The following MYO5A variants were observed in gnomAD, a reference collection of about 807,000 sequenced individuals.
MYO5A encodes myosin VA.
A neutral mutation model predicts 249.7 loss-of-function variants in MYO5A; 98 were observed. That is an observed-to-expected ratio of 0.39 (90% CI 0.33 to 0.46). MYO5A has a LOEUF of 0.46. Among genes scored for constraint, MYO5A ranks in the 20% least tolerant of loss-of-function variants. The pLI is 0.98. For missense variants in MYO5A, 1,696 were observed against 2,308.8 expected (o/e 0.73, Z 5.44); for synonymous variants, 778 against 810.6 (o/e 0.96, Z 0.68).
intron 3 of MYO5A, 40 bp downstream of exon 3, chr15:52,428,358 A>G (rs1357205166): frequency 6.3e-7 from 1 of 1,582,150 alleles, no homozygotes; most frequent in Admixed American, 1.7e-5. Context: ...CCATTAGAGG[A>G]AAGAGTCCAC....
At chr15:52,512,480 G>C (rs1377750136) in intron 1 of MYO5A, among the ~76,000 whole-genome samples, 6 of 151,694 alleles carry the variant, frequency 4.0e-5, no homozygotes, top group Admixed American at 2.6e-4. Context: ...ATACTTCTTA[G>C]AGAAAATAGT....
At chr15:52,415,675 G>A (rs960185671) in intron 5 of MYO5A, among the ~76,000 whole-genome samples, 9 of 152,190 alleles carry the variant, frequency 5.9e-5, no homozygotes, top group Admixed American at 1.3e-4. Flanking sequence ...AACTGAGGTC[G>A]GACTAAGTAC....
At chr15:52,398,778 T>C (rs59496859) in intron 9 of MYO5A, among the ~76,000 whole-genome samples, 24,121 of 152,056 alleles carry the variant, frequency 0.16, 1,972 homozygotes, top group Middle Eastern at 0.22. Context: ...CACCTGAGGT[T>C]AGGAGTTTGA....
intron 10 of MYO5A, among the ~76,000 whole-genome samples, chr15:52,396,670 G>A (rs1374613601): frequency 6.6e-6 from 1 of 151,934 alleles, no homozygotes; most frequent in Admixed American, 6.6e-5. Flanking sequence ...GAGTTTTTGA[G>A]GGCTCATTCA....
intron 1 of MYO5A, among the ~76,000 whole-genome samples, chr15:52,459,174 T>TTTTTTTTTTA (rs869125569): frequency 7.6e-6 from 1 of 131,172 alleles, no homozygotes; most frequent in African/African-American, 3.0e-5. Flanking sequence ...TTTTTTTTTT[T>TTTTTTTTTTA]AGTATTTATT....
At chr15:52,515,779 G>A (rs1270189645) in intron 1 of MYO5A, among the ~76,000 whole-genome samples, 1 of 152,172 alleles carries the variant, frequency 6.6e-6, no homozygotes, top group Non-Finnish European at 1.5e-5. Context: ...AGGTTTGGAA[G>A]TCATCAGCAC....
intron 1 of MYO5A, among the ~76,000 whole-genome samples, chr15:52,476,716 T>C (rs544264524): frequency 1.4e-3 from 219 of 152,344 alleles, no homozygotes; most frequent in African/African-American, 5.0e-3. Flanking sequence ...TGTTGAATAT[T>C]GGTCCCCACT....
intron 23 of MYO5A, among the ~76,000 whole-genome samples, chr15:52,366,629 CAAAAAAAAA>C (rs60631867): frequency 1.3e-5 from 1 of 74,554 alleles, no homozygotes; most frequent in African/African-American, 4.1e-5. Flanking sequence ...ATTGATTTAG[CAAAAAAAAA>C]AAAAAAAAAA....
At chr15:52,494,636 GC>G (rs911558205) in intron 1 of MYO5A, among the ~76,000 whole-genome samples, 15 of 152,082 alleles carry the variant, frequency 9.9e-5, no homozygotes, top group African/African-American at 2.4e-4. Flanking sequence ...GGGACTTCAG[GC>G]ACACACCACC....
chr15:52,499,473 C>A (rs912625234), intron 1 of MYO5A, among the ~76,000 whole-genome samples: 7 of 152,290 alleles, frequency 4.6e-5, no homozygotes, highest in African/African-American at 1.4e-4. Flanking sequence ...ACTCCATATC[C>A]ATTAAATGAA....
chr15:52,395,777 T>C (rs552013444), intron 11 of MYO5A, among the ~76,000 whole-genome samples: 26 of 152,182 alleles, frequency 1.7e-4, no homozygotes, highest in Admixed American at 3.9e-4. Flanking sequence ...TGCCCCTGAT[T>C]TTTAAGCATC....
chr15:52,358,269 AC>A (rs1249739136), intron 25 of MYO5A, among the ~76,000 whole-genome samples: 1 of 152,248 alleles, frequency 6.6e-6, no homozygotes, highest in Non-Finnish European at 1.5e-5. Flanking sequence ...CTAAAGTGGT[AC>A]TACACTGGAA....
At chr15:52,342,604 G>A (rs960079722) in intron 31 of MYO5A, among the ~76,000 whole-genome samples, 4 of 152,112 alleles carry the variant, frequency 2.6e-5, no homozygotes, top group Admixed American at 2.6e-4. Flanking sequence ...ATAGTATCTT[G>A]TAGTGAAGGT....
intron 39 of MYO5A, among the ~76,000 whole-genome samples, chr15:52,318,684 A>C (rs978161102): frequency 6.6e-6 from 1 of 152,212 alleles, no homozygotes; most frequent in Non-Finnish European, 1.5e-5. Flanking sequence ...AGAAATCTTC[A>C]TTATTATAAT....
At chr15:52,385,944 CA>C (rs2041956005) in intron 14 of MYO5A, among the ~76,000 whole-genome samples, 1 of 152,166 alleles carries the variant, frequency 6.6e-6, no homozygotes, top group Non-Finnish European at 1.5e-5. Context: ...AATGCATACC[CA>C]CCTTATGATG....
chr15:52,405,228 A>G (rs1595611798), intron 9 of MYO5A, 59 bp downstream of exon 9: 5 of 1,251,752 alleles, frequency 4.0e-6, no homozygotes, highest in Non-Finnish European at 5.8e-6. Context: ...TCTTTAAACA[A>G]TCTACAAATC....
At position 52,371,878 on chromosome 15, in the gene MYO5A, G is replaced by GTAA. The variant is rs36207943; in HGVS notation, c.2817+243_2817+245dup. Among the ~76,000 whole-genome samples, 13,826 of 142,968 alleles carry GTAA rather than the reference G, an allele frequency of 0.097. 790 individuals carry two copies. The highest frequency in any genetic ancestry group is 0.13 in the Non-Finnish European group (8,609 of 65,674). 93.8% of individuals were successfully genotyped at this position (142,968 alleles called of 152,430 possible). On this transcript the variant is annotated intron_variant, in intron 21 of 41. Coordinates refer to ENST00000399233, the MANE Select transcript of MYO5A (RefSeq NM_001382347.1). ...GAGTGAGACCCTGTCTCAAATAATA[G>GTAA]TAATAATAATAATAATAATAATAAT...
chr15:52,471,619 A>ACACACACACACACC (rs773132992), intron 1 of MYO5A, among the ~76,000 whole-genome samples: 9 of 149,186 alleles, frequency 6.0e-5, no homozygotes, highest in African/African-American at 1.7e-4. Flanking sequence ...ACACACACAC[A>ACACACACACACACC]CCCCAAACAA....
At chr15:52,401,138 T>C (rs2042735836) in intron 9 of MYO5A, among the ~76,000 whole-genome samples, 1 of 148,106 alleles carries the variant, frequency 6.8e-6, no homozygotes, top group African/African-American at 2.6e-5. Context: ...TGGCGCGATC[T>C]TGGCTCACTG....
Sources: allele counts gnomAD v4.1 joint callset (sites outside exome capture counted in the v4.1 genomes callset), GRCh38; gene constraint gnomAD v4.1.1; transcripts MANE v1.5; gene names NCBI Gene and HGNC (gene_info 2026-07-23, HGNC 2026-07-21).